Variants in LOXL2 observed in about 807,000 individuals in gnomAD.
The protein encoded by LOXL2 is lysyl oxidase like 2, also known as lysyl oxidase homolog 2.
A neutral mutation model predicts 93.0 loss-of-function variants in LOXL2; 70 were observed. That is an observed-to-expected ratio of 0.75 (90% confidence interval 0.62 to 0.92). The LOEUF is 0.92. Among genes scored for constraint, LOXL2 ranks in the 40% least tolerant of loss-of-function variants. LOXL2 has a pLI of 0.00. For missense variants in LOXL2, 973 were observed against 1,054.9 expected (o/e 0.92, Z 1.08); for synonymous variants, 438 against 413.2 (o/e 1.06, Z -0.73).
chr8:23,383,717 G>A (rs1348756172), intron 1 of LOXL2, among the ~76,000 whole-genome samples: 1 of 141,860 alleles, frequency 7.0e-6, no homozygotes, highest in Non-Finnish European at 1.5e-5. Flanking sequence ...CTGGAGTGCA[G>A]TGGCGCAATC....
Position 23,367,991 on chromosome 8 carries a change from G to GT in LOXL2, c.355+5dup, listed in dbSNP as rs775847362. The GT allele has an allele frequency of 6.2e-7, 1 of 1,608,784 alleles. No homozygotes were observed. The highest frequency in any genetic ancestry group is 8.5e-7 in the Non-Finnish European group (1 of 1,177,108). On this transcript the variant is annotated splice_donor_region_variant and intron_variant, in intron 2 of 13. Transcript: ENST00000389131. The stretch of plus-strand genomic sequence containing the variant: ...AGCACTCAGATCCAAAGCACAGAGC[G>GT]TTTACCTTCTCCCTTGCCGTAGGAG...
chr8:23,401,154 C>G (rs1201145082), intron 1 of LOXL2, among the ~76,000 whole-genome samples: 2 of 152,162 alleles, frequency 1.3e-5, no homozygotes, highest in Non-Finnish European at 2.9e-5. Flanking sequence ...TCTGTTTATC[C>G]ATTTCCTCAG....
intron 5 of LOXL2, among the ~76,000 whole-genome samples, chr8:23,331,217 A>G (rs1400551055): frequency 6.6e-6 from 1 of 152,152 alleles, no homozygotes; most frequent in Non-Finnish European, 1.5e-5. Flanking sequence ...GGGAGGGGAC[A>G]GGAGAGGAGC....
At chr8:23,349,069 C>T (rs1292896756) in intron 3 of LOXL2, among the ~76,000 whole-genome samples, 1 of 152,106 alleles carries the variant, frequency 6.6e-6, no homozygotes, top group Admixed American at 6.5e-5. Context: ...CTTCGTGACC[C>T]TCTCTCTTCT....
rs566995521 is a variant in LOXL2 at position 23,372,110 on chromosome 8, T to C, written c.-83-3676A>G. Among the ~76,000 whole-genome samples, 3 of 152,208 alleles carry C rather than the reference T, an allele frequency of 2.0e-5. No homozygotes were observed. The South Asian group carries it at 6.2e-4, about 32-fold the overall frequency. ...AATAGAAAAAATATTAGATGGTGGG[T>C]TTAAACTCCAATATATCAGTAATTA... On this transcript the variant is annotated intron_variant, in intron 1 of 13. Transcript: ENST00000389131.
chr8:23,346,895 A>T (rs1329629024), intron 3 of LOXL2, among the ~76,000 whole-genome samples: 1 of 152,208 alleles, frequency 6.6e-6, no homozygotes, highest in Non-Finnish European at 1.5e-5. Context: ...TCATGCCAAC[A>T]TCTCAACGAG....
intron 1 of LOXL2, among the ~76,000 whole-genome samples, chr8:23,384,957 C>CAGTGAATT (rs149365931): frequency 0.12 from 18,408 of 152,138 alleles, 1,368 homozygotes; most frequent in Admixed American, 0.18. Flanking sequence ...TCAACATGGA[C>CAGTGAATT]AGTGAATTAG....
chr8:23,355,557 T>C, intron 3 of LOXL2, among the ~76,000 whole-genome samples: 1 of 136,968 alleles, frequency 7.3e-6, no homozygotes, highest in African/African-American at 2.7e-5. Flanking sequence ...CCTATCATAC[T>C]CTTGGCTGAT....
intron 3 of LOXL2, among the ~76,000 whole-genome samples, chr8:23,359,365 T>C (rs1246302874): frequency 6.6e-6 from 1 of 152,232 alleles, no homozygotes; most frequent in Non-Finnish European, 1.5e-5. Context: ...ACTTCCATCC[T>C]GTGTTCTTTC....
At chr8:23,318,914 G>T (rs1803449181) in intron 8 of LOXL2, among the ~76,000 whole-genome samples, 1 of 152,194 alleles carries the variant, frequency 6.6e-6, no homozygotes, top group Admixed American at 6.5e-5. Flanking sequence ...CCTCCCATTG[G>T]AGCAACCTGG....
chr8:23,376,055 A>G (rs371093565), intron 1 of LOXL2, among the ~76,000 whole-genome samples: 2 of 152,098 alleles, frequency 1.3e-5, no homozygotes, highest in Admixed American at 6.6e-5. Flanking sequence ...TGCCCATTCA[A>G]TATGATATGG....
At chr8:23,317,247 G>T in intron 8 of LOXL2, 133 bp from the exon 9 acceptor site, 2 of 931,660 alleles carry the variant, frequency 2.1e-6, no homozygotes, top group Non-Finnish European at 3.4e-6. Flanking sequence ...CAGCACGGAG[G>T]GTCACCTATC....
chr8:23,314,482 T>C (rs1049378303), intron 9 of LOXL2, among the ~76,000 whole-genome samples: 3 of 125,434 alleles, frequency 2.4e-5, no homozygotes, highest in Non-Finnish European at 3.5e-5. Flanking sequence ...GATAAGTTCA[T>C]GTCCTTTGTA....
At chr8:23,356,390 A>G (rs1804198694) in intron 3 of LOXL2, among the ~76,000 whole-genome samples, 1 of 152,222 alleles carries the variant, frequency 6.6e-6, no homozygotes, top group African/African-American at 2.4e-5. Context: ...TCAGCTACTG[A>G]TACAGGCCAT....
chr8:23,321,414 G>A (rs547045493), intron 7 of LOXL2, among the ~76,000 whole-genome samples: 55 of 152,340 alleles, frequency 3.6e-4, no homozygotes, highest in Middle Eastern at 3.4e-3. Context: ...AGTGTAGCTG[G>A]CATGCAGTTC....
Position 23,309,923 on chromosome 8 carries a change from G to T in LOXL2, c.1637-12C>A. On this transcript the variant is annotated splice_polypyrimidine_tract_variant and intron_variant, in intron 9 of 13. Coordinates refer to ENST00000389131, the MANE Select transcript of LOXL2 (RefSeq NM_002318.3). ...CAGGTCAGGGGCGGCTGCGGAGGAT[G>T]GCATGCTGGTCAACAAGGCAAGAGA... The T allele has an allele frequency of 6.9e-7, 1 of 1,455,044 alleles. No homozygotes were observed. Among genetic ancestry groups the T allele is most frequent in the South Asian group, 1.5e-5 (1 of 68,206 alleles). The allele number at this position is 1,455,044 out of a possible 1,614,324, so 90.1% of individuals were successfully genotyped here.
intron 3 of LOXL2, among the ~76,000 whole-genome samples, chr8:23,347,751 T>C (rs1738415277): frequency 6.6e-6 from 1 of 152,162 alleles, no homozygotes; most frequent in South Asian, 2.1e-4. Context: ...GGAGGATAGC[T>C]TGAGGCCAGG....
chr8:23,300,752 A>C (rs1301914450), intron 12 of LOXL2, among the ~76,000 whole-genome samples: 1 of 152,222 alleles, frequency 6.6e-6, no homozygotes, highest in East Asian at 1.9e-4. Flanking sequence ...GATTAAATCA[A>C]ACAATGCATT....
In LOXL2 at chr8:23,298,009, G is replaced by C. The variant is rs368390640; in HGVS notation, c.*34C>G. 24 of 1,570,508 alleles carry C rather than the reference G, an allele frequency of 1.5e-5. No homozygotes were observed. The African/African-American group carries it at 2.2e-4, about 14-fold the overall frequency. On this transcript the variant is annotated 3_prime_UTR_variant, in exon 14 of 14. Coordinates refer to ENST00000389131, the MANE Select transcript of LOXL2 (RefSeq NM_002318.3). The stretch of plus-strand genomic sequence containing the variant: ...GGAAGTCCCATGGAAGATGTGGTGT[G>C]GCCTGAAGACAGGAGTTGACCACGC...
Sources: allele counts gnomAD v4.1 joint callset (sites outside exome capture counted in the v4.1 genomes callset), GRCh38; gene constraint gnomAD v4.1.1; transcripts MANE v1.5; gene names NCBI Gene and HGNC (gene_info 2026-07-23, HGNC 2026-07-21).